CREBBP: variants seen among roughly 807,000 people sequenced by gnomAD.
CREBBP encodes CREB binding lysine acetyltransferase, also known as CREB-binding protein.
Under a neutral mutation model 265.0 loss-of-function variants are expected in CREBBP, and 19 were observed. The ratio of observed to expected loss-of-function variants is 0.07; its 90% CI spans 0.05 to 0.11. The LOEUF (loss-of-function observed/expected upper bound fraction) is 0.11. Ranked by LOEUF, CREBBP falls within the 10% of genes least tolerant of loss-of-function variation. The pLI, the probability that CREBBP is intolerant of heterozygous loss-of-function variation, is 1.00. For synonymous variants in CREBBP, 1,457 were observed against 1,223.7 expected, an observed-to-expected ratio of 1.19 and a Z score of -3.98; for missense variants, 2,525 against 3,219.0, an observed-to-expected ratio of 0.78 and a Z score of 5.22.
At chr16:3,823,741 G>A (rs1371644898) in intron 2 of CREBBP, among the ~76,000 whole-genome samples, 1 of 152,138 alleles carries the variant, frequency 6.6e-6, no homozygotes, top group African/African-American at 2.4e-5. Flanking sequence ...TCAGGGAGCA[G>A]CAAGCAAGAG....
intron 2 of CREBBP, among the ~76,000 whole-genome samples, chr16:3,839,335 T>C (rs1023262128): frequency 6.6e-6 from 1 of 152,118 alleles, no homozygotes; most frequent in African/African-American, 2.4e-5. Context: ...TATGTGCGTG[T>C]CAATCCATTT....
chr16:3,728,895 G>C lies in CREBBP; in HGVS notation c.6152C>G (p.Pro2051Arg). ...SMQAQAAVAGPRMPSVQPPRS... is the reference protein window; with the variant it reads ...SMQAQAAVAGRRMPSVQPPRS... ...GGGTGGCTGCACGCTGGGCATCCGG[G>C]GCCCAGCCACGGCCGCCTGGGCCTG... Residue 2051 changes from proline to arginine, a missense_variant, in exon 31 of 31, where the codon CCC becomes CGC. This residue lies in a region of CREBBP where 275 missense variants were observed against 276.5 expected (regional missense o/e 0.99). Coordinates refer to ENST00000262367, the MANE Select transcript of CREBBP (RefSeq NM_004380.3). This position sits in a 1 kb window ranked among gnomAD's most constrained non-coding sequence, Gnocchi z 8.7. The C allele has an allele frequency of 1.9e-6, 3 of 1,609,878 alleles. No homozygotes were observed. The highest frequency in any genetic ancestry group is 2.5e-6 in the Non-Finnish European group (3 of 1,179,578).
At chr16:3,867,530 A>G (rs2526690) in intron 1 of CREBBP, among the ~76,000 whole-genome samples, 132,597 of 152,058 alleles carry the variant, frequency 0.87, 59,711 homozygotes, top group Non-Finnish European at 0.99. Flanking sequence ...TCCTATTTAT[A>G]TAACATAGAG....
intron 1 of CREBBP, among the ~76,000 whole-genome samples, chr16:3,871,746 A>C (rs572439903): frequency 4.6e-5 from 7 of 152,374 alleles, no homozygotes; most frequent in African/African-American, 1.7e-4. Flanking sequence ...GAATTATAAA[A>C]AGATTTGCTT....
At chr16:3,767,416 T>C (rs1469253535) in intron 16 of CREBBP, 3 of 499,630 alleles carry the variant, frequency 6.0e-6, no homozygotes, top group Non-Finnish European at 1.1e-5. Context: ...CTCCTTAACC[T>C]GCTCAAGGAC....
In CREBBP at chr16:3,729,369, G is replaced by A; in HGVS notation, c.5678C>T (p.Pro1893Leu). 6.2e-7 allele frequency: 1 copy of A among 1,607,896 alleles called. No homozygotes were observed. The highest frequency in any genetic ancestry group is 8.5e-7 in the Non-Finnish European group (1 of 1,179,310). Residue 1893 changes from proline to leucine, a missense_variant, in exon 31 of 31, where the codon CCC (proline) becomes CTC (leucine). Physicochemically the swap from Pro to Leu is moderately conservative, Grantham distance 98. This residue lies in a region of CREBBP where 275 missense variants were observed against 276.5 expected (regional missense o/e 0.99). Transcript: ENST00000262367. ...PSPTSAPPGTPTQQPSTPQTP... is the reference protein window; with the variant it reads ...PSPTSAPPGTLTQQPSTPQTP... Reference sequence around the variant, plus strand: ...CTGGGGTGTGCTGGGCTGCTGTGTGGGGGTCCCGGGCGGTGCTGAGGTAGG... The same window carrying A: ...CTGGGGTGTGCTGGGCTGCTGTGTGAGGGTCCCGGGCGGTGCTGAGGTAGG...
chr16:3,780,962 T>C, intron 7 of CREBBP, 84 bp from the exon 8 acceptor site: 1 of 1,518,230 alleles, frequency 6.6e-7, no homozygotes, highest in Non-Finnish European at 9.1e-7. Context: ...TGCCACCACA[T>C]GTGACTTTTA....
intron 16 of CREBBP, 80 bp downstream of exon 16, chr16:3,767,640 T>C (rs2052887545): frequency 1.9e-6 from 3 of 1,572,476 alleles, no homozygotes; most frequent in Admixed American, 1.7e-5. Context: ...GTTTCTACTT[T>C]AGCTTTTAAT....
chr16:3,761,695 G>T, intron 16 of CREBBP: 1 of 450,284 alleles, frequency 2.2e-6, no homozygotes, highest in Non-Finnish European at 4.3e-6. Flanking sequence ...CCACGCACAC[G>T]GTCCCCAGCA....
chr16:3,851,037 G>A (rs1004520244), intron 1 of CREBBP, 28 bp from the exon 2 acceptor site: 9 of 1,598,148 alleles, frequency 5.6e-6, no homozygotes, highest in Non-Finnish European at 7.7e-6. Context: ...ATGGAAATGA[G>A]AAACTAAGCA....
chr16:3,845,524 A>G (rs1347422295), intron 2 of CREBBP, among the ~76,000 whole-genome samples: 2 of 152,364 alleles, frequency 1.3e-5, no homozygotes, highest in Non-Finnish European at 2.9e-5. Context: ...TAAGATGATT[A>G]TAACAAGAAA....
rs934599515 is a variant in CREBBP, at chr16:3,782,769, G to C, written c.1488C>G (p.Pro496=). 1 of 1,614,144 alleles carries C rather than the reference G, an allele frequency of 6.2e-7. No individual in the cohort carries two copies. The highest frequency in any genetic ancestry group is 8.5e-7 in the Non-Finnish European group (1 of 1,180,034). Residue 496 remains proline (P), a synonymous_variant, in exon 6 of 31, where the codon CCC becomes CCG. Coordinates refer to ENST00000262367, the MANE Select transcript of CREBBP (RefSeq NM_004380.3). ...GAACCTGAGGCTGCAGCTGCGTCTGGGGCTGGTTCATGTAGGGGAGTCCGA... is the reference window on the plus strand; with the variant it reads ...GAACCTGAGGCTGCAGCTGCGTCTGCGGCTGGTTCATGTAGGGGAGTCCGA... The part of the protein sequence containing the change: ...AALGLPYMNQ[P]QTQLQPQVPG...
chr16:3,735,963 C>A (rs190572852), intron 28 of CREBBP, 73 bp downstream of exon 28: 5 of 1,613,000 alleles, frequency 3.1e-6, no homozygotes, highest in South Asian at 1.1e-5. Context: ...ACAGTCGACA[C>A]GCGCCTCCCA....
intron 1 of CREBBP, among the ~76,000 whole-genome samples, chr16:3,871,314 A>G (rs1377812413): frequency 6.6e-6 from 1 of 151,980 alleles, no homozygotes; most frequent in Non-Finnish European, 1.5e-5. Context: ...CTCACAGTCT[A>G]CTCTGAGCAG....
At chr16:3,835,873 C>T (rs932434112) in intron 2 of CREBBP, among the ~76,000 whole-genome samples, 5 of 151,654 alleles carry the variant, frequency 3.3e-5, no homozygotes, top group Admixed American at 6.6e-5. Flanking sequence ...AGCCACCGCG[C>T]CCGGCAGAAG....
intron 1 of CREBBP, among the ~76,000 whole-genome samples, chr16:3,863,331 A>C (rs1400049877): frequency 6.6e-6 from 1 of 152,224 alleles, no homozygotes; most frequent in African/African-American, 2.4e-5. Flanking sequence ...GGCCAGGCAC[A>C]GTAGCTCATG....
intron 11 of CREBBP, among the ~76,000 whole-genome samples, chr16:3,777,236 G>A (rs1300985100): frequency 6.6e-6 from 1 of 151,642 alleles, no homozygotes; most frequent in Non-Finnish European, 1.5e-5. Context: ...TCAGGAGGCT[G>A]AGGCAGGAGA....
chr16:3,811,911 G>A (rs746185744), intron 2 of CREBBP, among the ~76,000 whole-genome samples: 4 of 152,082 alleles, frequency 2.6e-5, no homozygotes, highest in Admixed American at 1.3e-4. Flanking sequence ...TATTGGTAAG[G>A]CTTCTGATCA....
chr16:3,870,867 G>A (rs543585960), intron 1 of CREBBP, among the ~76,000 whole-genome samples: 6 of 152,036 alleles, frequency 3.9e-5, no homozygotes, highest in Non-Finnish European at 8.8e-5. Context: ...GTAAGCAGAA[G>A]TAGAGCCAGG....
Sources: gnomAD v4.1 joint callset for allele counts (sites outside exome capture counted in the v4.1 genomes callset) on GRCh38, gnomAD v4.1.1 for gene constraint, gnomAD v4.1.1 regional missense constraint, Gnocchi (gnomAD v3.1) non-coding constraint, MANE v1.5 for transcripts, NCBI Gene and HGNC (gene_info 2026-07-23, HGNC 2026-07-21) for gene names.